Variants in IQUB observed in about 807,000 individuals in gnomAD.
IQUB encodes IQ motif and ubiquitin domain containing.
Under a neutral mutation model 86.4 loss-of-function variants are expected in IQUB, and 86 were observed. That is an observed-to-expected ratio of 1.00 (90% CI 0.84 to 1.19). IQUB has a LOEUF of 1.19. Ranked by LOEUF, IQUB falls within the 50% of genes most tolerant of loss-of-function variation. IQUB has a pLI of 0.00. For missense variants in IQUB, 946 were observed against 916.9 expected (o/e 1.03, Z -0.41); for synonymous variants, 289 against 304.5 (o/e 0.95, Z 0.53).
chr7:123,525,584 TTCTC>T (rs1310462835), intron 1 of IQUB, among the ~76,000 whole-genome samples: 6 of 152,306 alleles, frequency 3.9e-5, no homozygotes, highest in Middle Eastern at 3.4e-3. Flanking sequence ...TATTTGATTC[TTCTC>T]TCTTTTTTTC....
At chr7:123,513,054 A>G (rs1796495371) in intron 1 of IQUB, among the ~76,000 whole-genome samples, 1 of 152,164 alleles carries the variant, frequency 6.6e-6, no homozygotes, top group South Asian at 2.1e-4. Context: ...CAGGAAGGGA[A>G]AATAGGGAAG....
intron 7 of IQUB, among the ~76,000 whole-genome samples, chr7:123,492,231 C>A (rs1317050084): frequency 6.6e-6 from 1 of 152,056 alleles, no homozygotes; most frequent in East Asian, 1.9e-4. Flanking sequence ...GAATGGACTA[C>A]GAACTTAACA....
chr7:123,463,682 T>C (rs189036837), intron 10 of IQUB, among the ~76,000 whole-genome samples: 14 of 151,886 alleles, frequency 9.2e-5, no homozygotes, highest in Admixed American at 2.6e-4. Context: ...TGGGGGCTGA[T>C]AGGACCATTT....
At chr7:123,472,746 G>C (rs1247131978) in intron 8 of IQUB, among the ~76,000 whole-genome samples, 1 of 152,184 alleles carries the variant, frequency 6.6e-6, no homozygotes, top group Non-Finnish European at 1.5e-5. Flanking sequence ...CAGATAACTT[G>C]ATCTTCAAGC....
At chr7:123,527,424 T>C (rs1174433134) in intron 1 of IQUB, among the ~76,000 whole-genome samples, 7 of 152,164 alleles carry the variant, frequency 4.6e-5, no homozygotes, top group African/African-American at 1.4e-4. Flanking sequence ...TTCTGCTCTG[T>C]TTTTTCCCCA....
At chr7:123,519,809 A>G (rs528459270) in intron 1 of IQUB, among the ~76,000 whole-genome samples, 1 of 152,374 alleles carries the variant, frequency 6.6e-6, no homozygotes, top group Non-Finnish European at 1.5e-5. Flanking sequence ...ATATTCCCAG[A>G]ACAAAGAAAT....
intron 6 of IQUB, among the ~76,000 whole-genome samples, chr7:123,498,488 AT>A (rs1408324995): frequency 6.6e-6 from 1 of 152,220 alleles, no homozygotes; most frequent in East Asian, 1.9e-4. Flanking sequence ...TATTTTTGAA[AT>A]TTAAAAAATT....
chr7:123,527,399 TAG>T (rs1057352966), intron 1 of IQUB, among the ~76,000 whole-genome samples: 2 of 152,246 alleles, frequency 1.3e-5, no homozygotes, highest in African/African-American at 4.8e-5. Context: ...CTCTGCTTTT[TAG>T]AGTTTCCAGT....
intron 1 of IQUB, among the ~76,000 whole-genome samples, chr7:123,534,080 G>T (rs180690610): frequency 6.6e-6 from 1 of 152,162 alleles, no homozygotes; most frequent in Admixed American, 6.5e-5. Context: ...GGAGAGGAAG[G>T]AGTGAGAGTG....
chr7:123,476,812 G>A (rs189420067), intron 8 of IQUB, among the ~76,000 whole-genome samples: 19 of 151,916 alleles, frequency 1.3e-4, no homozygotes, highest in Non-Finnish European at 2.4e-4. Flanking sequence ...TTTCCCTACA[G>A]GCAATGGTAG....
chr7:123,485,165 T>A (rs1234775214), intron 7 of IQUB, among the ~76,000 whole-genome samples: 1 of 152,128 alleles, frequency 6.6e-6, no homozygotes, highest in East Asian at 1.9e-4. Context: ...AGAACTTTAT[T>A]TCGTCAAAAT....
intron 3 of IQUB, 60 bp downstream of exon 3, chr7:123,509,841 G>C (rs963698520): frequency 2.9e-6 from 4 of 1,400,056 alleles, no homozygotes; most frequent in Non-Finnish European, 3.9e-6. Context: ...CAAAGATCTT[G>C]ATTGTTTACA....
At chr7:123,486,379 T>A (rs140809217) in intron 7 of IQUB, among the ~76,000 whole-genome samples, 33 of 152,262 alleles carry the variant, frequency 2.2e-4, no homozygotes, top group African/African-American at 7.2e-4. Context: ...CCCTAACAAC[T>A]TCTCAATACC....
intron 1 of IQUB, among the ~76,000 whole-genome samples, chr7:123,516,046 A>G (rs1289622063): frequency 6.6e-6 from 1 of 152,208 alleles, no homozygotes; most frequent in Non-Finnish European, 1.5e-5. Context: ...CAGACTAAAG[A>G]GGGCAAATTT....
Position 123,512,127 on chromosome 7 carries a change from C to T in IQUB, c.214G>A (p.Glu72Lys), listed in dbSNP as rs777274575. 3.7e-6 allele frequency: 6 copies of T among 1,613,966 alleles called. No individual in the cohort carries two copies. Among genetic ancestry groups the T allele is most frequent in the Non-Finnish European group, 5.1e-6 (6 of 1,179,944 alleles). Residue 72 changes from glutamate to lysine, a missense_variant, in exon 2 of 13, where the codon GAA (glutamate) becomes AAA (lysine). Transcript: ENST00000324698. ...TCCATGAGTTGTTCATTGTCTGGTT[C>T]CAGGCTTGAAAAGCTTTGGTCACTC... ...EQSDQSFSSL[E>K]PDNEQLMEEV...
At position 123,512,128 on chromosome 7, in the gene IQUB, C is replaced by G. The variant is rs988545675; in HGVS notation, c.213G>C (p.Leu71=). The G allele has an allele frequency of 6.2e-7, 1 of 1,613,928 alleles. No homozygotes were observed. The highest frequency in any genetic ancestry group is 8.5e-7 in the Non-Finnish European group (1 of 1,179,934). ...CCATGAGTTGTTCATTGTCTGGTTC[C>G]AGGCTTGAAAAGCTTTGGTCACTCT... ...EEQSDQSFSS[L]EPDNEQLMEE... The change falls in exon 2 of 13, where the codon CTG becomes CTC. Residue 71 remains leucine, a synonymous_variant. Transcript: ENST00000324698.
At chr7:123,501,305 C>T (rs925072238) in intron 6 of IQUB, 1 of 152,380 alleles carries the variant, frequency 6.6e-6, no homozygotes, top group South Asian at 2.1e-4. Flanking sequence ...ATCATAGAGT[C>T]ACCACCCATG....
chr7:123,504,826 A>G (rs545482736), intron 3 of IQUB, among the ~76,000 whole-genome samples: 63 of 152,266 alleles, frequency 4.1e-4, no homozygotes, highest in African/African-American at 1.4e-3. Context: ...GCAAAATACA[A>G]TCATTCCTTC....
At chr7:123,515,480 T>C (rs1796598475) in intron 1 of IQUB, among the ~76,000 whole-genome samples, 1 of 152,236 alleles carries the variant, frequency 6.6e-6, no homozygotes, top group Non-Finnish European at 1.5e-5. Context: ...AAAGAATACA[T>C]ATAGAAGGCA....
Sources: allele counts gnomAD v4.1 joint callset (sites outside exome capture counted in the v4.1 genomes callset), GRCh38; gene constraint gnomAD v4.1.1; transcripts MANE v1.5; gene names NCBI Gene and HGNC (gene_info 2026-07-23, HGNC 2026-07-21).